Variants in DDX59 observed in about 807,000 individuals in gnomAD.
DDX59 encodes the protein DEAD-box helicase 59.
DDX59 carries 30 observed loss-of-function variants against 51.9 expected under a neutral mutation model. That is an observed-to-expected ratio of 0.58 (90% CI 0.43 to 0.78). The LOEUF (loss-of-function observed/expected upper bound fraction) is 0.78. Ranked by LOEUF, DDX59 falls within the 30% of genes least tolerant of loss-of-function variation. The pLI is 0.00. For synonymous variants in DDX59, 255 were observed against 253.3 expected, an observed-to-expected ratio of 1.01 and a Z score of -0.06; for missense variants, 672 against 730.8, an observed-to-expected ratio of 0.92 and a Z score of 0.93.
At chr1:200,665,489 AAG>A (rs1662665187) in intron 2 of DDX59, among the ~76,000 whole-genome samples, 9 of 130,120 alleles carry the variant, frequency 6.9e-5, no homozygotes, top group Non-Finnish European at 5.2e-5. Context: ...GTCCCAAAAA[AAG>A]AAAAAGAAAA....
intron 2 of DDX59, among the ~76,000 whole-genome samples, chr1:200,665,031 A>G (rs1462781974): frequency 6.6e-6 from 1 of 152,208 alleles, no homozygotes; most frequent in African/African-American, 2.4e-5. Context: ...TCACAAGTTC[A>G]TCAGTACTTG....
intron 5 of DDX59, among the ~76,000 whole-genome samples, chr1:200,649,454 C>T (rs1048359559): frequency 2.0e-5 from 3 of 151,690 alleles, no homozygotes; most frequent in African/African-American, 7.3e-5. Context: ...CAGTGAAACC[C>T]CGTCTCTACT....
chr1:200,658,388 A>G (rs80261828), intron 4 of DDX59, among the ~76,000 whole-genome samples: 1 of 148,694 alleles, frequency 6.7e-6, no homozygotes, highest in African/African-American at 2.5e-5. Flanking sequence ...GTCCACATAG[A>G]AAAAAAAAAA....
chr1:200,669,582 G>C (rs1191010105), intron 1 of DDX59, 185 bp downstream of exon 1: 4 of 152,344 alleles, frequency 2.6e-5, no homozygotes, highest in Non-Finnish European at 5.9e-5. Flanking sequence ...GGCGCTTCAC[G>C]TCACGGAGCT....
At chr1:200,642,713 G>A (rs1023604527), downstream of DDX59, among the ~76,000 whole-genome samples, 9 of 152,220 alleles carry the variant, frequency 5.9e-5, no homozygotes, top group Non-Finnish European at 1.0e-4. Flanking sequence ...GGCGCTGATA[G>A]CCGGCTTCTC....
downstream of DDX59, among the ~76,000 whole-genome samples, chr1:200,642,850 GC>G (rs2102822416): frequency 6.6e-6 from 1 of 152,196 alleles, no homozygotes; most frequent in South Asian, 2.1e-4. Context: ...AAGAAGGGTG[GC>G]CCACAATGAC....
intron 2 of DDX59, among the ~76,000 whole-genome samples, chr1:200,665,299 T>C (rs1028936735): frequency 6.6e-6 from 1 of 151,780 alleles, no homozygotes; most frequent in Non-Finnish European, 1.5e-5. Flanking sequence ...CTACTAAAAA[T>C]ACAAAATTAG....
intron 7 of DDX59, among the ~76,000 whole-genome samples, chr1:200,645,383 A>G (rs1346210907): frequency 6.6e-6 from 1 of 152,096 alleles, no homozygotes; most frequent in Admixed American, 6.6e-5. Flanking sequence ...GGTTCAAGCA[A>G]TTCTCTGCCT....
chr1:200,648,469 C>T lies in DDX59; in HGVS notation c.1566G>A (p.Met522Ile). 1.2e-6 allele frequency: 2 copies of T among 1,614,128 alleles called. No homozygotes were observed. Among genetic ancestry groups the T allele is most frequent in the East Asian group, 2.2e-5 (1 of 44,886 alleles). ...ISVRLVVNFD[M>I]PSSMDEYVHQ... is the part of the protein sequence containing the mutation. ...GGACATACTCATCCATACTTGAAGGCATATCAAAATTGACAACCAGCCTGA... is the reference window on the plus strand; with the variant it reads ...GGACATACTCATCCATACTTGAAGGTATATCAAAATTGACAACCAGCCTGA... The change falls in exon 7 of 8, where the codon ATG (methionine) becomes ATA (isoleucine). Residue 522 changes from methionine to isoleucine, a missense_variant. Coordinates refer to ENST00000331314, the MANE Select transcript of DDX59 (RefSeq NM_001031725.6).
intron 1 of DDX59, among the ~76,000 whole-genome samples, chr1:200,668,062 G>C (rs976230979): frequency 8.5e-5 from 13 of 152,102 alleles, no homozygotes; most frequent in African/African-American, 2.9e-4. Context: ...ACTTTGGGAG[G>C]CCGAGGCGGG....
At chr1:200,661,341 A>G (rs1662361844) in intron 3 of DDX59, among the ~76,000 whole-genome samples, 2 of 152,286 alleles carry the variant, frequency 1.3e-5, no homozygotes, top group South Asian at 4.1e-4. Flanking sequence ...AGAAATTTAC[A>G]TTTCAAAGTA....
At position 200,668,782 on chromosome 1, in the gene DDX59, G is replaced by GTCTA. The variant is rs756424020; in HGVS notation, c.-12+981_-12+984dup. ...CAATTTACAACCTGCTCTCTCTAAA[G>GTCTA]TCTATCTAAGAGCTTCCTCTGCACA... On this transcript the variant is annotated intron_variant, in intron 1 of 7. Coordinates refer to ENST00000331314, the MANE Select transcript of DDX59 (RefSeq NM_001031725.6). 6.6e-5 allele frequency among the ~76,000 whole-genome samples: 10 copies of GTCTA among 152,202 alleles called. No homozygotes were observed. The East Asian group carries it at 1.9e-3, about 29-fold the overall frequency.
intron 2 of DDX59, 126 bp from the exon 3 acceptor site, chr1:200,664,212 CCTGCCTT>C: frequency 7.0e-6 from 7 of 997,320 alleles, no homozygotes; most frequent in Non-Finnish European, 8.5e-6. Context: ...TATGAGTCCT[CCTGCCTT>C]CTGCTTACTG....
downstream of DDX59, among the ~76,000 whole-genome samples, chr1:200,641,540 C>T (rs140387387): frequency 3.4e-3 from 515 of 150,980 alleles, 2 homozygotes; most frequent in African/African-American, 0.011. Context: ...TGAGACCAGC[C>T]TGACCAACAT....
rs1411945732 is a variant in DDX59 at position 200,650,632 on chromosome 1, G to A, written c.1107C>T (p.Asp369=). 1.2e-6 allele frequency: 2 copies of A among 1,613,678 alleles called. No individual in the cohort carries two copies. Among genetic ancestry groups the A allele is most frequent in the African/African-American group, 2.7e-5 (2 of 75,024 alleles). ...AATCATTAGGAATGTTTTCCAAAATGTCAAGCACTTGTTGTTGAAAACCCA... is the reference window on the plus strand; with the variant it reads ...AATCATTAGGAATGTTTTCCAAAATATCAAGCACTTGTTGTTGAAAACCCA... ...LKMGFQQQVL[D]ILENIPNDCQ... is the part of the protein sequence containing the mutation. The change falls in exon 5 of 8, where the codon GAC becomes GAT. Residue 369 remains aspartate (D), a synonymous_variant. Transcript: ENST00000331314.
chr1:200,659,225 C>A, intron 3 of DDX59, 109 bp from the exon 4 acceptor site: 2 of 782,076 alleles, frequency 2.6e-6, no homozygotes, highest in Non-Finnish European at 4.2e-6. Flanking sequence ...TGTTAAGCAC[C>A]CAGAATTCAG....
At chr1:200,668,613 C>A (rs980064761) in intron 1 of DDX59, among the ~76,000 whole-genome samples, 1 of 152,104 alleles carries the variant, frequency 6.6e-6, no homozygotes, top group Admixed American at 6.5e-5. Flanking sequence ...CCTTGTCGTA[C>A]CTTAAAACTC....
At chr1:200,658,982 A>T in intron 4 of DDX59, 45 bp downstream of exon 4, 1 of 1,457,934 alleles carries the variant, frequency 6.9e-7, no homozygotes, top group Non-Finnish European at 9.5e-7. Flanking sequence ...ACTTTCCATA[A>T]ATTGTGTAAA....
At chr1:200,650,400 CAT>C (rs763283015) in intron 5 of DDX59, 23 bp downstream of exon 5, 1 of 1,593,476 alleles carries the variant, frequency 6.3e-7, no homozygotes, top group Non-Finnish European at 8.6e-7. Flanking sequence ...ATCCATAAAA[CAT>C]AGTTAACTGC....
Sources: gnomAD v4.1 joint callset for allele counts (sites outside exome capture counted in the v4.1 genomes callset) on GRCh38, gnomAD v4.1.1 for gene constraint, MANE v1.5 for transcripts, NCBI Gene and HGNC (gene_info 2026-07-23, HGNC 2026-07-21) for gene names.